PDZK1: variants seen among roughly 807,000 people sequenced by gnomAD.
The protein encoded by PDZK1 is PDZ domain containing 1.
PDZK1 carries 23 observed loss-of-function variants against 38.1 expected under a neutral mutation model. The ratio of observed to expected loss-of-function variants is 0.60; its 90% CI spans 0.43 to 0.85. PDZK1 has a LOEUF of 0.85. Ranked by LOEUF, PDZK1 falls within the 40% of genes least tolerant of loss-of-function variation. The probability of loss-of-function intolerance (pLI) is 0.00; values close to 1 mark genes in which losing one functional copy is unlikely to be tolerated. For missense variants in PDZK1, 297 were observed against 504.3 expected (o/e 0.59, Z 3.94); for synonymous variants, 98 against 186.2 (o/e 0.53, Z 3.86).
intron 5 of PDZK1, among the ~76,000 whole-genome samples, chr1:145,678,858 C>T (rs1342386726): frequency 6.8e-6 from 1 of 147,518 alleles, no homozygotes; most frequent in Non-Finnish European, 1.5e-5. Flanking sequence ...ACTAACCCAG[C>T]AATTAACAAT....
intron 1 of PDZK1, among the ~76,000 whole-genome samples, chr1:145,699,823 G>A (rs1321168468): frequency 6.6e-6 from 1 of 152,104 alleles, no homozygotes; most frequent in Non-Finnish European, 1.5e-5. Flanking sequence ...TTTAATCCTG[G>A]CTTCACCGCT....
At chr1:145,687,494 T>TAG (rs1253858969) in intron 2 of PDZK1, among the ~76,000 whole-genome samples, 2 of 127,332 alleles carry the variant, frequency 1.6e-5, no homozygotes, top group East Asian at 4.5e-4. Context: ...CACTGCACTC[T>TAG]AGCCTGGGTG....
At chr1:145,680,152 C>T (rs1553700029) in intron 5 of PDZK1, among the ~76,000 whole-genome samples, 1 of 152,118 alleles carries the variant, frequency 6.6e-6, no homozygotes, top group East Asian at 1.9e-4. Flanking sequence ...ACCTCTATCT[C>T]CCTTCATTAT....
At chr1:145,674,234 G>C in intron 6 of PDZK1, 1 of 985,120 alleles carries the variant, frequency 1.0e-6, no homozygotes, top group Non-Finnish European at 1.2e-6. Flanking sequence ...TAATCTCCCT[G>C]TTGGGAAATG....
chr1:145,675,167 C>G (rs1339308395), intron 6 of PDZK1, among the ~76,000 whole-genome samples: 1 of 150,242 alleles, frequency 6.7e-6, no homozygotes, highest in Non-Finnish European at 1.5e-5. Context: ...AAATGATGAT[C>G]TTGAATACCG....
intron 1 of PDZK1, among the ~76,000 whole-genome samples, chr1:145,698,541 G>A (rs1429841060): frequency 6.6e-6 from 1 of 152,114 alleles, no homozygotes; most frequent in African/African-American, 2.4e-5. Flanking sequence ...GCAGCAGCAT[G>A]GGTTCCCATG....
At chr1:145,690,493 C>G (rs1183590308) in intron 1 of PDZK1, among the ~76,000 whole-genome samples, 4 of 152,112 alleles carry the variant, frequency 2.6e-5, no homozygotes, top group Non-Finnish European at 5.9e-5. Context: ...CATGCAAAGC[C>G]CTCTTAAAGT....
At chr1:145,701,191 C>G (rs1018168770) in intron 1 of PDZK1, among the ~76,000 whole-genome samples, 1 of 150,602 alleles carries the variant, frequency 6.6e-6, no homozygotes, top group Non-Finnish European at 1.5e-5. Flanking sequence ...GGCAACAGAG[C>G]GAGACTCCAT....
At chr1:145,697,328 G>T (rs1325428414) in intron 1 of PDZK1, among the ~76,000 whole-genome samples, 1 of 151,798 alleles carries the variant, frequency 6.6e-6, no homozygotes, top group Non-Finnish European at 1.5e-5. Context: ...GAGACAGAAA[G>T]GAGGGAAGGA....
At chr1:145,686,124 C>G (rs1553701610) in intron 3 of PDZK1, among the ~76,000 whole-genome samples, 1 of 151,978 alleles carries the variant, frequency 6.6e-6, no homozygotes, top group African/African-American at 2.4e-5. Context: ...GCCTTTTATT[C>G]CTTATTCTGC....
chr1:145,683,215 T>C (rs1337290165), intron 3 of PDZK1, among the ~76,000 whole-genome samples: 3 of 152,230 alleles, frequency 2.0e-5, no homozygotes, highest in African/African-American at 7.2e-5. Context: ...ATCACAGTTA[T>C]AGGTCCTGGC....
At position 145,687,971 on chromosome 1, in the gene PDZK1, C is replaced by T; in HGVS notation, c.51G>A (p.Gly17=). The change falls in exon 2 of 9, where the codon GGG becomes GGA. Residue 17 remains glycine (G), a synonymous_variant. Coordinates refer to ENST00000417171, the MANE Select transcript of PDZK1 (RefSeq NM_001201325.2). ...TTCGCAGGAAGAAGCCATAGTTTTG[C>T]CCTTCTTGCTTGGACAGTTTACATT... ...PRECKLSKQE[G]QNYGFFLRIE... The T allele has an allele frequency of 1.2e-6, 2 of 1,612,226 alleles. No homozygotes were observed. The highest frequency in any genetic ancestry group is 1.1e-5 in the South Asian group (1 of 90,918).
At chr1:145,675,476 T>G (rs1653556931) in intron 6 of PDZK1, among the ~76,000 whole-genome samples, 1 of 141,872 alleles carries the variant, frequency 7.0e-6, no homozygotes, top group Non-Finnish European at 1.5e-5. Flanking sequence ...AGACCACATC[T>G]CCTTCCTTTC....
chr1:145,688,636 G>GGT (rs1290791690), intron 1 of PDZK1, among the ~76,000 whole-genome samples: 9 of 152,138 alleles, frequency 5.9e-5, no homozygotes, highest in African/African-American at 2.2e-4. Flanking sequence ...GTAGAAGCTT[G>GGT]GTGAGGTAGG....
chr1:145,700,541 G>T (rs781952783), intron 1 of PDZK1, among the ~76,000 whole-genome samples: 13 of 152,116 alleles, frequency 8.5e-5, no homozygotes, highest in Non-Finnish European at 1.5e-4. Flanking sequence ...TAGTGAATAG[G>T]CTCACTCACC....
chr1:145,692,401 C>T (rs1553703430), intron 1 of PDZK1, among the ~76,000 whole-genome samples: 1 of 152,116 alleles, frequency 6.6e-6, no homozygotes. Context: ...CTATGAGCTT[C>T]CAGGTGTTAT....
At chr1:145,682,886 C>T (rs1654405272) in intron 3 of PDZK1, among the ~76,000 whole-genome samples, 1 of 152,128 alleles carries the variant, frequency 6.6e-6, no homozygotes, top group African/African-American at 2.4e-5. Context: ...GCACATATAC[C>T]CTTTCCCTAT....
At chr1:145,704,954 G>A (rs1423129381) in intron 1 of PDZK1, among the ~76,000 whole-genome samples, 1 of 152,082 alleles carries the variant, frequency 6.6e-6, no homozygotes, top group Non-Finnish European at 1.5e-5. Context: ...CTCCTTCCCT[G>A]CCACACTAAT....
chr1:145,697,361 A>G (rs924798871), intron 1 of PDZK1, among the ~76,000 whole-genome samples: 6 of 152,080 alleles, frequency 3.9e-5, no homozygotes, highest in African/African-American at 1.2e-4. Context: ...AAAGAGAGAA[A>G]GAGAAAGAGA....
Sources: gnomAD v4.1 joint callset for allele counts (sites outside exome capture counted in the v4.1 genomes callset) on GRCh38, gnomAD v4.1.1 for gene constraint, MANE v1.5 for transcripts, NCBI Gene and HGNC (gene_info 2026-07-23, HGNC 2026-07-21) for gene names.